The following THSD4 variants were observed in gnomAD, a reference collection of about 807,000 sequenced individuals.
THSD4 encodes thrombospondin type-1 domain-containing protein 4.
A neutral mutation model predicts 119.0 loss-of-function variants in THSD4; 69 were observed. The observed-to-expected ratio is 0.58, with a 90% CI of 0.48 to 0.71. The LOEUF (loss-of-function observed/expected upper bound fraction) is 0.71. THSD4 is among the 30% of genes least tolerant of loss of function. The pLI is 0.00. For synonymous variants in THSD4, 524 were observed against 540.4 expected (o/e 0.97, Z 0.42); for missense variants, 1,393 against 1,391.1 (o/e 1.00, Z -0.02).
chr15:71,331,236 ACTT>A (rs2045417025), intron 6 of THSD4, among the ~76,000 whole-genome samples: 2 of 152,156 alleles, frequency 1.3e-5, no homozygotes, highest in South Asian at 4.1e-4. Flanking sequence ...CCTTCCTCGT[ACTT>A]CTTCTGGCAT....
chr15:71,654,093 C>A (rs1332282228), intron 7 of THSD4, among the ~76,000 whole-genome samples: 1 of 152,148 alleles, frequency 6.6e-6, no homozygotes, highest in African/African-American at 2.4e-5. Flanking sequence ...TGTTGCAGCA[C>A]AAAAGCAGCC....
intron 7 of THSD4, among the ~76,000 whole-genome samples, chr15:71,556,910 CT>C (rs1311009231): frequency 1.3e-5 from 2 of 151,688 alleles, no homozygotes; most frequent in Non-Finnish European, 2.9e-5. Flanking sequence ...GGCTTTTTTC[CT>C]TTTCCAAATT....
chr15:71,497,160 C>T (rs968141310), intron 7 of THSD4, among the ~76,000 whole-genome samples: 4 of 152,054 alleles, frequency 2.6e-5, no homozygotes, highest in South Asian at 2.1e-4. Flanking sequence ...ATTATACAGG[C>T]GAATGTTTTC....
At chr15:71,764,471 G>A (rs1458850736) in intron 15 of THSD4, among the ~76,000 whole-genome samples, 1 of 152,248 alleles carries the variant, frequency 6.6e-6, no homozygotes, top group African/African-American at 2.4e-5. Context: ...GGGCTCTGTA[G>A]TCACAGTTCC....
chr15:71,493,343 T>C (rs529507322), intron 7 of THSD4, among the ~76,000 whole-genome samples: 1 of 152,376 alleles, frequency 6.6e-6, no homozygotes, highest in Non-Finnish European at 1.5e-5. Context: ...TTCTTTGATT[T>C]TTAAAAATAA....
intron 6 of THSD4, among the ~76,000 whole-genome samples, chr15:71,263,534 G>A (rs2044428311): frequency 6.6e-6 from 1 of 152,072 alleles, no homozygotes. Flanking sequence ...GGGCTGAATG[G>A]TATTTCTGTC....
At chr15:71,556,721 T>C (rs2049023885) in intron 7 of THSD4, among the ~76,000 whole-genome samples, 1 of 150,164 alleles carries the variant, frequency 6.7e-6, no homozygotes, top group Non-Finnish European at 1.5e-5. Context: ...GCCATGATCA[T>C]ACCGCTTCAC....
At chr15:71,502,147 C>T (rs2048121433) in intron 7 of THSD4, among the ~76,000 whole-genome samples, 1 of 152,134 alleles carries the variant, frequency 6.6e-6, no homozygotes, top group South Asian at 2.1e-4. Context: ...CCCCATTGTA[C>T]AGGGATAAAT....
chr15:71,667,345 A>G (rs185522085), intron 8 of THSD4, among the ~76,000 whole-genome samples: 2 of 152,352 alleles, frequency 1.3e-5, no homozygotes, highest in Admixed American at 6.5e-5. Context: ...TAGCTGAAAT[A>G]TCAAAGTTTG....
At chr15:71,409,938 T>A (rs2046662741) in intron 6 of THSD4, among the ~76,000 whole-genome samples, 2 of 152,170 alleles carry the variant, frequency 1.3e-5, no homozygotes, top group South Asian at 4.1e-4. Context: ...CTTGTCTGTT[T>A]CTTTTGGATA....
intron 3 of THSD4, among the ~76,000 whole-genome samples, chr15:71,189,679 A>AT (rs1221788130): frequency 1.3e-5 from 2 of 151,852 alleles, no homozygotes; most frequent in Admixed American, 1.3e-4. Context: ...CAAAAAAAAA[A>AT]AAATACATGT....
In THSD4 at chr15:71,737,977, A is replaced by G; in HGVS notation, c.1876A>G (p.Thr626Ala). The change falls in exon 11 of 18, where the codon ACA becomes GCA. Residue 626 changes from threonine (T) to alanine (A), a missense_variant. Transcript: ENST00000261862. ...GGATCACAACTGGAAGCAGCTTGGG[A>G]CAACAGAATGTTCCACGACCTGTGG... is the stretch of plus-strand genomic sequence containing the variant. ...SRDHNWKQLGTTECSTTCGKG... is the reference protein window; with the variant it reads ...SRDHNWKQLGATECSTTCGKG... 1 of 1,613,924 alleles carries G rather than the reference A, an allele frequency of 6.2e-7. No homozygotes were observed. Among genetic ancestry groups the G allele is most frequent in the Non-Finnish European group, 8.5e-7 (1 of 1,179,848 alleles).
intron 6 of THSD4, among the ~76,000 whole-genome samples, chr15:71,359,614 C>T (rs2140417787): frequency 6.6e-6 from 1 of 152,232 alleles, no homozygotes; most frequent in Non-Finnish European, 1.5e-5. Flanking sequence ...TTGAGAACAG[C>T]CTGGGCAACA....
At chr15:71,715,626 A>T (rs2052591991) in intron 8 of THSD4, among the ~76,000 whole-genome samples, 1 of 152,114 alleles carries the variant, frequency 6.6e-6, no homozygotes, top group African/African-American at 2.4e-5. Flanking sequence ...GTAAAATCAA[A>T]GAAAGAACTA....
At chr15:71,288,433 A>T (rs369740275) in intron 6 of THSD4, among the ~76,000 whole-genome samples, 1 of 152,202 alleles carries the variant, frequency 6.6e-6, no homozygotes, top group East Asian at 1.9e-4. Context: ...TAACTCTCTC[A>T]TTGTACAGAT....
chr15:71,350,209 A>G (rs902911175), intron 6 of THSD4, among the ~76,000 whole-genome samples: 2 of 151,792 alleles, frequency 1.3e-5, no homozygotes, highest in African/African-American at 4.8e-5. Flanking sequence ...TGTAAACTTC[A>G]TTAAGTTGAA....
In THSD4 at chr15:71,258,957, T is replaced by C. The variant is rs530071829; in HGVS notation, c.1015+2242T>C. Among the ~76,000 whole-genome samples the C allele has an allele frequency of 3.4e-4, 51 of 151,326 alleles. 1 individual carries two copies. In the South Asian group the frequency reaches 0.01, roughly 30 times the overall value. On this transcript the variant is annotated intron_variant, in intron 6 of 17. Transcript: ENST00000261862. Reference sequence around the variant, plus strand: ...GGAGAACCCCGTCTCTGCTAAAAAATAGAAAATCAGCCTGGCGTGGTGGTG... The same window carrying C: ...GGAGAACCCCGTCTCTGCTAAAAAACAGAAAATCAGCCTGGCGTGGTGGTG...
intron 7 of THSD4, among the ~76,000 whole-genome samples, chr15:71,441,538 G>C (rs1245013100): frequency 6.7e-6 from 1 of 149,280 alleles, no homozygotes; most frequent in Non-Finnish European, 1.5e-5. Context: ...TGGGACTACA[G>C]GTGTGCGCCA....
intron 4 of THSD4, among the ~76,000 whole-genome samples, chr15:71,217,540 G>C (rs1032414984): frequency 6.6e-6 from 1 of 151,392 alleles, no homozygotes; most frequent in Admixed American, 6.6e-5. Flanking sequence ...GGAGAATGGC[G>C]TGAACCCGGG....
Sources: gnomAD v4.1 joint callset for allele counts (sites outside exome capture counted in the v4.1 genomes callset) on GRCh38, gnomAD v4.1.1 for gene constraint, MANE v1.5 for transcripts, NCBI Gene and HGNC (gene_info 2026-07-23, HGNC 2026-07-21) for gene names.